Variants in MAK observed in about 807,000 individuals in gnomAD.
The protein encoded by MAK is serine/threonine-protein kinase MAK.
A neutral mutation model predicts 82.6 loss-of-function variants in MAK; 65 were observed. That is an observed-to-expected ratio of 0.79 (90% CI 0.64 to 0.97). The LOEUF is 0.97. MAK is among the 50% of genes least tolerant of loss of function. The pLI is 0.00. For synonymous variants in MAK, 250 were observed against 274.2 expected (o/e 0.91, Z 0.87); for missense variants, 703 against 780.2 (o/e 0.90, Z 1.18).
At chr6:10,791,629 G>A (rs1405567510) in intron 10 of MAK, 46 bp downstream of exon 10, 1 of 1,557,410 alleles carries the variant, frequency 6.4e-7, no homozygotes, top group Non-Finnish European at 8.8e-7. Context: ...GTAAAATAAA[G>A]TTAATGCATG....
rs541651741 is a variant in MAK, at chr6:10,823,005, A to C, written c.102-4065T>G. Among the ~76,000 whole-genome samples the C allele has an allele frequency of 3.3e-5, 5 of 152,332 alleles. No homozygotes were observed. In the South Asian group the frequency reaches 1.0e-3, roughly 32 times the overall value. On this transcript the variant is annotated intron_variant, in intron 2 of 14. Transcript: ENST00000354489. ...ATTTTGTTCAGTGTAGTGTTCTCCC[A>C]ACTTCTAACCATTCCCCCTCCAACA...
rs1778754260 is a variant in MAK, at chr6:10,830,719, C to T, written c.-71G>A. ...TTGTTGAATATAAATTTGAACGCTT[C>T]TTAATTTTTATTTGCTTTTGTCCTC... On this transcript the variant is annotated 5_prime_UTR_variant, in exon 2 of 15. Transcript: ENST00000354489. 8.1e-7 allele frequency: 1 copy of T among 1,229,828 alleles called. No homozygotes were observed. The highest frequency in any genetic ancestry group is 1.2e-6 in the Non-Finnish European group (1 of 831,384). 76.2% of individuals were successfully genotyped at this position (1,229,828 alleles called of 1,614,324 possible).
rs1187575170 is a variant in MAK, at chr6:10,762,915, CATT to C, written c.*1534_*1536del. On this transcript the variant is annotated 3_prime_UTR_variant, in exon 15 of 15. Transcript: ENST00000354489. ...AGTTGACTCTTCTATACAAAAATAT[CATT>C]ATTATTTTATAATATGCCTTTGTAT... The C allele has an allele frequency of 4.6e-5, 7 of 152,508 alleles. No homozygotes were observed. The highest frequency in any genetic ancestry group is 7.2e-5 in the African/African-American group (3 of 41,412). The allele number at this position is 152,508 out of a possible 1,614,324, so 9.4% of individuals were successfully genotyped here.
intron 5 of MAK, among the ~76,000 whole-genome samples, chr6:10,812,880 C>T (rs752746187): frequency 6.6e-6 from 1 of 150,752 alleles, no homozygotes; most frequent in Non-Finnish European, 1.5e-5. Flanking sequence ...TCTCCTGCCT[C>T]AGACTCTCAA....
intron 9 of MAK, 152 bp from the exon 10 acceptor site, chr6:10,791,999 T>A: frequency 2.5e-6 from 2 of 798,724 alleles, no homozygotes; most frequent in Non-Finnish European, 4.1e-6. Flanking sequence ...TTTAAAAGCA[T>A]GAACAAAAAT....
intron 2 of MAK, among the ~76,000 whole-genome samples, chr6:10,821,725 C>G (rs1286905613): frequency 6.6e-6 from 1 of 152,190 alleles, no homozygotes; most frequent in Non-Finnish European, 1.5e-5. Context: ...GTCCCAGCTA[C>G]TCTGGAGGCT....
intron 12 of MAK, among the ~76,000 whole-genome samples, chr6:10,774,526 G>GCAAC: frequency 6.6e-6 from 1 of 152,210 alleles, no homozygotes; most frequent in South Asian, 2.1e-4. Flanking sequence ...GGGAACAAAA[G>GCAAC]CGGTTTTGTG....
At chr6:10,804,592 C>T (rs1213289244) in intron 6 of MAK, among the ~76,000 whole-genome samples, 1 of 152,192 alleles carries the variant, frequency 6.6e-6, no homozygotes, top group Non-Finnish European at 1.5e-5. Context: ...ATCAGCCTGC[C>T]TTAGCCTCCC....
In MAK at chr6:10,803,984, A is replaced by G. The variant is rs1049408272; in HGVS notation, c.492-93T>C. Reference sequence around the variant, plus strand: ...CTACGCTGTGTGGTCATGCATTTCCATCAAGGAACAGGTATTCAGACCCTG... The same window carrying G: ...CTACGCTGTGTGGTCATGCATTTCCGTCAAGGAACAGGTATTCAGACCCTG... On this transcript the variant is annotated intron_variant, in intron 6 of 14. Coordinates refer to ENST00000354489, the MANE Select transcript of MAK (RefSeq NM_001242957.3). 6.5e-6 allele frequency: 7 copies of G among 1,082,416 alleles called. No individual in the cohort carries two copies. In the East Asian group the frequency reaches 1.5e-4, roughly 23 times the overall value. 67.1% of individuals were successfully genotyped at this position (1,082,416 alleles called of 1,614,324 possible). A position where few individuals can be genotyped will look rare whatever the true frequency, so the allele number is the denominator to read the frequency against.
In MAK at chr6:10,791,714, C is replaced by T. The variant is rs139003494; in HGVS notation, c.1277G>A (p.Gly426Asp). ...TTTTTTCCTTTTTTCTTTAAAAACA[C>T]CCATGCTTGGCTTCTTGGAATGGGA... ...GASHSKKPSM[G>D]VFKEKRKKDS... The change falls in exon 10 of 15, where the codon GGT becomes GAT. Residue 426 changes from glycine to aspartate, a missense_variant. Transcript: ENST00000354489. 70 of 1,613,908 alleles carry T rather than the reference C, an allele frequency of 4.3e-5. No individual in the cohort carries two copies. The African/African-American group carries it at 7.7e-4, about 18-fold the overall frequency.
chr6:10,807,201 T>C (rs1449750865), intron 6 of MAK, among the ~76,000 whole-genome samples: 1 of 151,994 alleles, frequency 6.6e-6, no homozygotes, highest in Non-Finnish European at 1.5e-5. Context: ...GGCCCTGGCA[T>C]CTCCATCAGG....
intron 11 of MAK, among the ~76,000 whole-genome samples, chr6:10,782,227 C>T: frequency 6.8e-6 from 1 of 146,116 alleles, no homozygotes; most frequent in South Asian, 2.1e-4. Context: ...CACACACACA[C>T]ACACACACAC....
chr6:10,796,477 CA>C (rs1161290213), intron 8 of MAK, among the ~76,000 whole-genome samples, 168 bp from the exon 9 acceptor site: 1 of 151,822 alleles, frequency 6.6e-6, no homozygotes, highest in Non-Finnish European at 1.5e-5. Context: ...AAAAGATAAC[CA>C]GAAAAAAATG....
intron 2 of MAK, among the ~76,000 whole-genome samples, chr6:10,827,298 T>C (rs964067650): frequency 6.6e-6 from 1 of 152,152 alleles, no homozygotes; most frequent in African/African-American, 2.4e-5. Context: ...ATGGCTATCA[T>C]GGATTTTGGG....
chr6:10,787,646 C>T (rs1006528976), intron 10 of MAK, among the ~76,000 whole-genome samples: 8 of 151,924 alleles, frequency 5.3e-5, no homozygotes, highest in African/African-American at 1.5e-4. Context: ...ATCACGAGGT[C>T]GGGAGATCGA....
chr6:10,821,616 A>G (rs556484963), intron 2 of MAK, among the ~76,000 whole-genome samples: 1 of 152,274 alleles, frequency 6.6e-6, no homozygotes, highest in Non-Finnish European at 1.5e-5. Context: ...AGCCAAATAA[A>G]AATACGTTCA....
chr6:10,815,934 ATATATATATATATG>A (rs1777458184), intron 4 of MAK, among the ~76,000 whole-genome samples: 1 of 133,344 alleles, frequency 7.5e-6, no homozygotes, highest in African/African-American at 3.4e-5. Flanking sequence ...ATATATATAT[ATATATATATATATG>A]TATGTTTTCT....
intron 2 of MAK, 92 bp downstream of exon 2, chr6:10,830,456 G>A (rs540215758): frequency 4.9e-5 from 52 of 1,061,734 alleles, no homozygotes; most frequent in Admixed American, 1.9e-4. Context: ...GAGCCACCGC[G>A]CTGGCCTGTG....
intron 11 of MAK, among the ~76,000 whole-genome samples, chr6:10,778,198 A>G (rs982065942): frequency 6.6e-6 from 1 of 152,180 alleles, no homozygotes; most frequent in Non-Finnish European, 1.5e-5. Context: ...GGCATTGGAG[A>G]AAAAGTGCTA....
Sources: allele counts gnomAD v4.1 joint callset (sites outside exome capture counted in the v4.1 genomes callset), GRCh38; gene constraint gnomAD v4.1.1; transcripts MANE v1.5; gene names NCBI Gene and HGNC (gene_info 2026-07-23, HGNC 2026-07-21).